The following PMFBP1 variants were observed in gnomAD, a reference collection of about 807,000 sequenced individuals.
The protein encoded by PMFBP1 is polyamine modulated factor 1 binding protein 1.
In PMFBP1, 131 loss-of-function variants were observed where a neutral mutation model predicts 137.8. The ratio of observed to expected loss-of-function variants is 0.95; its 90% CI spans 0.82 to 1.10. The LOEUF (loss-of-function observed/expected upper bound fraction) is 1.10. Ranked by LOEUF, PMFBP1 falls within the 50% of genes least tolerant of loss-of-function variation. The probability of loss-of-function intolerance (pLI) is 0.00; values close to 1 mark genes in which losing one functional copy is unlikely to be tolerated. For missense variants in PMFBP1, 1,199 were observed against 1,175.4 expected, an observed-to-expected ratio of 1.02 and a Z score of -0.29; for synonymous variants, 490 against 450.4, an observed-to-expected ratio of 1.09 and a Z score of -1.11.
chr16:72,181,001 G>T (rs989239881), upstream of PMFBP1, among the ~76,000 whole-genome samples: 1 of 152,170 alleles, frequency 6.6e-6, no homozygotes, highest in African/African-American at 2.4e-5. Context: ...AGCACTTTGG[G>T]AGGCCAAGGC....
intron 3 of PMFBP1, among the ~76,000 whole-genome samples, chr16:72,156,392 G>T (rs1231364102): frequency 1.3e-5 from 2 of 152,146 alleles, no homozygotes; most frequent in Admixed American, 1.3e-4. Flanking sequence ...GCCGACGTGG[G>T]TGGATCATGA....
At chr16:72,136,850 G>C in intron 7 of PMFBP1, 31 bp from the exon 8 acceptor site, 1 of 1,613,498 alleles carries the variant, frequency 6.2e-7, no homozygotes, top group Non-Finnish European at 8.5e-7. Flanking sequence ...GCAGGATGAG[G>C]AGATGAGAGA....
intron 9 of PMFBP1, 80 bp from the exon 10 acceptor site, chr16:72,133,071 CA>C (rs1385609211): frequency 1.2e-5 from 19 of 1,532,392 alleles, no homozygotes; most frequent in Non-Finnish European, 1.7e-5. Flanking sequence ...CTCAAGCCCT[CA>C]TCCAAGCCAC....
At chr16:72,165,204 G>A (rs543330704) in intron 2 of PMFBP1, among the ~76,000 whole-genome samples, 47 of 152,282 alleles carry the variant, frequency 3.1e-4, no homozygotes, top group African/African-American at 1.1e-3. Context: ...TCAGTGTCTA[G>A]AATAATTCTA....
chr16:72,186,999 G>C, the PMFBP1 span, among the ~76,000 whole-genome samples: 1 of 151,730 alleles, frequency 6.6e-6, no homozygotes, highest in East Asian at 1.9e-4. Flanking sequence ...TGTAATCCCA[G>C]CTACTCAGGA....
At chr16:72,144,003 T>G (rs537028435) in intron 5 of PMFBP1, among the ~76,000 whole-genome samples, 2 of 151,938 alleles carry the variant, frequency 1.3e-5, no homozygotes, top group East Asian at 3.9e-4. Flanking sequence ...ATTGCACCAT[T>G]GCACTCCAGC....
chr16:72,241,119 A>G, the PMFBP1 span, among the ~76,000 whole-genome samples: 2 of 152,190 alleles, frequency 1.3e-5, no homozygotes, highest in Non-Finnish European at 2.9e-5. Context: ...AGTACTCATC[A>G]TGGTTACAAA....
At chr16:72,141,221 G>C (rs2042717739) in intron 5 of PMFBP1, among the ~76,000 whole-genome samples, 1 of 152,124 alleles carries the variant, frequency 6.6e-6, no homozygotes, top group African/African-American at 2.4e-5. Flanking sequence ...ACAGGCATGA[G>C]CTACCACATC....
At position 72,164,800 on chromosome 16, in the gene PMFBP1, A is replaced by ATGGTC. The variant is rs757141387; in HGVS notation, c.128_129insGACCA (p.Asn43LysfsTer11). 6.2e-7 allele frequency: 1 copy of ATGGTC among 1,605,562 alleles called. No individual in the cohort carries two copies. The highest frequency in any genetic ancestry group is 1.1e-5 in the South Asian group (1 of 90,850). On this transcript the variant is annotated frameshift_variant, in exon 3 of 21. Transcript: ENST00000237353. LOFTEE classifies it high-confidence loss of function. Reference sequence around the variant, plus strand: ...TCATTGCCTCCTCCATGCAGAGCTGATTGTCCTGCAAGGTCTTCCTCTGTC... The same window carrying ATGGTC: ...TCATTGCCTCCTCCATGCAGAGCTGATGGTCTTGTCCTGCAAGGTCTTCCTCTGTC...
chr16:72,147,811 C>A (rs185339296), intron 5 of PMFBP1, among the ~76,000 whole-genome samples: 1 of 152,216 alleles, frequency 6.6e-6, no homozygotes, highest in Admixed American at 6.5e-5. Flanking sequence ...CAAGTCAAAA[C>A]CACAATGAGA....
chr16:72,201,116 A>C, the PMFBP1 span, among the ~76,000 whole-genome samples: 1 of 152,156 alleles, frequency 6.6e-6, no homozygotes, highest in East Asian at 1.9e-4. Flanking sequence ...GCAGATGCAT[A>C]ATGTGTGACC....
At chr16:72,206,001 T>A in the PMFBP1 span, among the ~76,000 whole-genome samples, 1 of 152,098 alleles carries the variant, frequency 6.6e-6, no homozygotes, top group Non-Finnish European at 1.5e-5. Context: ...CTGCTTTGTT[T>A]TGCTCCACTT....
chr16:72,141,032 T>G (rs1369632893), intron 5 of PMFBP1, among the ~76,000 whole-genome samples: 1 of 147,614 alleles, frequency 6.8e-6, no homozygotes, highest in African/African-American at 2.5e-5. Flanking sequence ...CCTTCCAGGT[T>G]CAAGCGATTC....
chr16:72,126,129 C>A lies in PMFBP1; in HGVS notation c.2092G>T (p.Ala698Ser), dbSNP rs2042453923. The A allele has an allele frequency of 6.2e-7, 1 of 1,613,716 alleles. No homozygotes were observed. Among genetic ancestry groups the A allele is most frequent in the African/African-American group, 1.3e-5 (1 of 74,894 alleles). ...CTCATTAAGGACTCCTTCTGAAGGG[C>A]TATCTTTAAGGAGGGAGAGCAGAAC... Reference protein sequence around the residue: ...QVIQDLNKEIALQKESLMSLQ... With the variant: ...QVIQDLNKEISLQKESLMSLQ... Residue 698 changes from alanine (A) to serine (S), a missense_variant, in exon 15 of 21, where the codon GCC (alanine) becomes TCC (serine). Transcript: ENST00000237353.
chr16:72,220,741 T>G, the PMFBP1 span, among the ~76,000 whole-genome samples: 1 of 152,192 alleles, frequency 6.6e-6, no homozygotes, highest in African/African-American at 2.4e-5. Flanking sequence ...TGGACAGTGC[T>G]GCAGTCCTGT....
chr16:72,213,021 C>G, the PMFBP1 span, among the ~76,000 whole-genome samples: 1 of 152,202 alleles, frequency 6.6e-6, no homozygotes, highest in Non-Finnish European at 1.5e-5. Flanking sequence ...AGACTTAGAA[C>G]ATTTATCTTC....
intron 4 of PMFBP1, 121 bp downstream of exon 4, chr16:72,154,090 A>G (rs2042945372): frequency 1.9e-5 from 26 of 1,348,104 alleles, no homozygotes; most frequent in Admixed American, 1.4e-4. Flanking sequence ...GAAGGTTTAT[A>G]AAACCTGCTC....
the PMFBP1 span, among the ~76,000 whole-genome samples, chr16:72,248,790 A>C: frequency 2.1e-3 from 320 of 152,338 alleles, 2 homozygotes; most frequent in Admixed American, 4.1e-3. Context: ...AAACACAGCC[A>C]TTAAAATAAT....
intron 4 of PMFBP1, among the ~76,000 whole-genome samples, chr16:72,151,676 T>C (rs934446629): frequency 6.6e-5 from 10 of 152,222 alleles, no homozygotes; most frequent in Non-Finnish European, 1.3e-4. Context: ...TTGAGATTCT[T>C]CTTAGGAAAG....
Sources: allele counts gnomAD v4.1 joint callset (sites outside exome capture counted in the v4.1 genomes callset), GRCh38; gene constraint gnomAD v4.1.1; transcripts MANE v1.5; gene names NCBI Gene and HGNC (gene_info 2026-07-23, HGNC 2026-07-21).